The following ADAMTS13 variants were observed in gnomAD, a reference collection of about 807,000 sequenced individuals.
ADAMTS13 encodes the protein ADAM metallopeptidase with thrombospondin type 1 motif 13, also known as A disintegrin and metalloproteinase with thrombospondin motifs 13.
Under a neutral mutation model 155.1 loss-of-function variants are expected in ADAMTS13, and 110 were observed. The observed-to-expected ratio is 0.71, with a 90% CI of 0.61 to 0.83. The LOEUF is 0.83. Among genes scored for constraint, ADAMTS13 ranks in the 40% least tolerant of loss-of-function variants. ADAMTS13 has a pLI of 0.00. For synonymous variants in ADAMTS13, 758 were observed against 756.4 expected (o/e 1.00, Z -0.03); for missense variants, 1,707 against 1,891.7 (o/e 0.90, Z 1.81).
chr9:133,419,725 C>T (rs587693132), upstream of ADAMTS13, among the ~76,000 whole-genome samples: 8 of 152,116 alleles, frequency 5.3e-5, no homozygotes, highest in African/African-American at 9.6e-5. Context: ...GCAAGTCCAC[C>T]GAAAAGGGTT....
At chr9:133,437,688 G>A in intron 12 of ADAMTS13, 61 bp from the exon 13 acceptor site, 2 of 1,607,126 alleles carry the variant, frequency 1.2e-6, no homozygotes, top group South Asian at 1.1e-5. Flanking sequence ...GCTGGGTGGG[G>A]GCTGGGGGAC....
intron 24 of ADAMTS13, among the ~76,000 whole-genome samples, chr9:133,454,946 C>T (rs1842650812): frequency 6.6e-6 from 1 of 152,144 alleles, no homozygotes; most frequent in Non-Finnish European, 1.5e-5. Context: ...GTTCAGGCTG[C>T]CCCCTGGAGG....
chr9:133,417,985 G>A (rs992498972), upstream of ADAMTS13: 10 of 742,146 alleles, frequency 1.3e-5, no homozygotes, highest in African/African-American at 1.8e-4. Context: ...AAAGACTCCG[G>A]AAGAGACCCC....
chr9:133,455,561 C>T lies in ADAMTS13; in HGVS notation c.3400+126C>T, dbSNP rs782300864. On this transcript the variant is annotated intron_variant, in intron 25 of 28. Transcript: ENST00000355699. ...GCTCTTCTCCCCGGCTCCCCAGCCTCGGCGGCTCCTGCCCGGGCCCCAGGA... is the reference window on the plus strand; with the variant it reads ...GCTCTTCTCCCCGGCTCCCCAGCCTTGGCGGCTCCTGCCCGGGCCCCAGGA... The T allele has an allele frequency of 3.2e-5, 51 of 1,608,374 alleles. No homozygotes were observed. The South Asian group carries it at 5.1e-4, about 16-fold the overall frequency.
upstream of ADAMTS13, among the ~76,000 whole-genome samples, chr9:133,418,765 C>A (rs1839826407): frequency 6.6e-6 from 1 of 152,232 alleles, no homozygotes; most frequent in African/African-American, 2.4e-5. Context: ...CTATAGATAA[C>A]ATAACCGGTT....
At chr9:133,457,834 C>T (rs587705755) in intron 27 of ADAMTS13, 76 bp from the exon 28 acceptor site, 55 of 1,582,388 alleles carry the variant, frequency 3.5e-5, no homozygotes, top group Middle Eastern at 3.3e-4. Flanking sequence ...CTGCACGGCT[C>T]CCTGGCTGTG....
Position 133,428,752 on chromosome 9 carries a change from C to CA in ADAMTS13, c.806dup (p.Leu270AlafsTer120). On this transcript the variant is annotated frameshift_variant, in exon 7 of 29. Transcript: ENST00000355699. LOFTEE classifies it high-confidence loss of function. ...CGCCTGGTCCCCCTGCAGCCGCCGGCAGCTGCTGAGCCTGCTCAGGTAGCG... is the reference window on the plus strand; with the variant it reads ...CGCCTGGTCCCCCTGCAGCCGCCGGCAAGCTGCTGAGCCTGCTCAGGTAGCG... 7.4e-7 allele frequency: 1 copy of CA among 1,356,614 alleles called. No homozygotes were observed. Among genetic ancestry groups the CA allele is most frequent in the Non-Finnish European group, 9.5e-7 (1 of 1,051,302 alleles). The allele number at this position is 1,356,614 out of a possible 1,614,324, so 84.0% of individuals were successfully genotyped here. A position where few individuals can be genotyped will look rare whatever the true frequency, so the allele number is the denominator to read the frequency against.
chr9:133,439,492 G>A (rs1841501935), intron 15 of ADAMTS13, 46 bp downstream of exon 15: 3 of 1,533,602 alleles, frequency 2.0e-6, no homozygotes, highest in South Asian at 2.2e-5. Context: ...GACTGCAAAG[G>A]TGCAGAGCAC....
chr9:133,433,074 G>A (rs1283594016), intron 9 of ADAMTS13, among the ~76,000 whole-genome samples: 1 of 148,220 alleles, frequency 6.7e-6, no homozygotes, highest in Non-Finnish European at 1.5e-5. Context: ...GTGTGTTGAG[G>A]GGTCCCTGGG....
chr9:133,443,542 C>T lies in ADAMTS13; in HGVS notation c.2401C>T (p.Pro801Ser), dbSNP rs965535472. Residue 801 changes from proline to serine, a missense_variant, in exon 19 of 29, where the codon CCC (proline) becomes TCC (serine). By Grantham distance (74) the Pro-to-Ser change is moderately conservative (BLOSUM62 -1). Around this residue, in one of 3 missense-constraint regions of ADAMTS13, gnomAD observed 961 missense variants for 1,107.9 expected, o/e 0.87. Transcript: ENST00000355699. Reference sequence around the variant, plus strand: ...AGCTGTGGCGCTGGAAACCTGCAACCCCCAGCCCTGCCCTGCCAGGTGAGC... The same window carrying T: ...AGCTGTGGCGCTGGAAACCTGCAACTCCCAGCCCTGCCCTGCCAGGTGAGC... ...QPAVALETCNPQPCPARWEVS... is the reference protein window; with the variant it reads ...QPAVALETCNSQPCPARWEVS... 6 of 1,561,370 alleles carry T rather than the reference C, an allele frequency of 3.8e-6. No individual in the cohort carries two copies. The highest frequency in any genetic ancestry group is 5.2e-6 in the Non-Finnish European group (6 of 1,159,820).
intron 1 of ADAMTS13, among the ~76,000 whole-genome samples, chr9:133,416,929 C>T (rs781907070): frequency 6.6e-6 from 1 of 152,204 alleles, no homozygotes; most frequent in Non-Finnish European, 1.5e-5. Context: ...TCGCTAGAAC[C>T]CCATCACATG....
At chr9:133,423,972 G>C (rs781904711) in intron 2 of ADAMTS13, among the ~76,000 whole-genome samples, 1 of 152,246 alleles carries the variant, frequency 6.6e-6, no homozygotes, top group Admixed American at 6.5e-5. Flanking sequence ...GGCTCCACTC[G>C]TGTTCAGTTT....
Position 133,432,594 on chromosome 9 carries a change from T to C in ADAMTS13, c.994T>C (p.Cys332Arg), listed in dbSNP as rs1554787764. The C allele has an allele frequency of 6.4e-7, 1 of 1,552,318 alleles. No individual in the cohort carries two copies. Among genetic ancestry groups the C allele is most frequent in the East Asian group, 2.4e-5 (1 of 41,226 alleles). The change falls in exon 9 of 29, where the codon TGC (cysteine) becomes CGC (arginine). Residue 332 changes from cysteine to arginine, a missense_variant. By Grantham distance (180) the Cys-to-Arg change is radical. Transcript: ENST00000355699. ...CACCTGTCCACCCTCCTAGGATATG[T>C]GCCAGGCCCTCTCCTGCCACACAGA... ...CTFAREHLDMCQALSCHTDPL... is the reference protein window; with the variant it reads ...CTFAREHLDMRQALSCHTDPL...
chr9:133,416,397 G>A (rs978091915), intron 1 of ADAMTS13, among the ~76,000 whole-genome samples: 5 of 152,188 alleles, frequency 3.3e-5, no homozygotes, highest in Non-Finnish European at 5.9e-5. Context: ...CTTTTATTTA[G>A]AGATGGAATC....
At chr9:133,443,155 ATT>A (rs1841804057) in intron 18 of ADAMTS13, among the ~76,000 whole-genome samples, 1 of 152,200 alleles carries the variant, frequency 6.6e-6, no homozygotes, top group Non-Finnish European at 1.5e-5. Context: ...GGACGAGGCC[ATT>A]CCTGCTGGGT....
intron 19 of ADAMTS13, among the ~76,000 whole-genome samples, chr9:133,443,855 C>A (rs950824731): frequency 6.6e-6 from 1 of 152,100 alleles, no homozygotes; most frequent in Admixed American, 6.5e-5. Context: ...TCAAACTGAA[C>A]GGAGTGGGAG....
In ADAMTS13 at chr9:133,445,896, G is replaced by A. The variant is rs652600; in HGVS notation, c.2731+77G>A. The A allele has an allele frequency of 0.68, 1,021,044 of 1,500,210 alleles. 355,034 individuals carry two copies. Among genetic ancestry groups the A allele is most frequent in the Non-Finnish European group, 0.71 (797,737 of 1,124,804 alleles). 92.9% of individuals were successfully genotyped at this position (1,500,210 alleles called of 1,614,324 possible). ...GTCCACTTGCATCTTGCCTCGTTCT[G>A]AAAAGCATTTGAGGTGGATTGCAGA... is the stretch of plus-strand genomic sequence containing the variant. On this transcript the variant is annotated intron_variant, in intron 21 of 28. Transcript: ENST00000355699. The surrounding 1 kb of genome is among the most constrained non-coding windows in gnomAD (Gnocchi z 5.0).
chr9:133,439,387 T>C lies in ADAMTS13; in HGVS notation c.1727T>C (p.Val576Ala). Residue 576 changes from valine (V) to alanine (A), a missense_variant, in exon 15 of 29, where the codon GTT becomes GCT. Val to Ala is a moderately conservative substitution (Grantham distance 64). Around this residue, in one of 3 missense-constraint regions of ADAMTS13, gnomAD observed 961 missense variants for 1,107.9 expected, o/e 0.87. Coordinates refer to ENST00000355699, the MANE Select transcript of ADAMTS13 (RefSeq NM_139027.6). ...RAREYVTFLT[V>A]TPNLTSVYIA... ...CTAGAATATGTCACGTTTCTGACAG[T>C]TACCCCCAACCTGACCAGTGTCTAC... The C allele has an allele frequency of 1.2e-6, 2 of 1,613,936 alleles. No individual in the cohort carries two copies. The highest frequency in any genetic ancestry group is 4.5e-5 in the East Asian group (2 of 44,896).
upstream of ADAMTS13, among the ~76,000 whole-genome samples, chr9:133,421,436 T>A (rs1221659961): frequency 6.6e-6 from 1 of 152,216 alleles, no homozygotes; most frequent in Non-Finnish European, 1.5e-5. Flanking sequence ...TTCTGCTGTA[T>A]TTTTCTCCAT....
Sources: allele counts gnomAD v4.1 joint callset (sites outside exome capture counted in the v4.1 genomes callset), GRCh38; gene constraint gnomAD v4.1.1; regional missense constraint gnomAD v4.1.1; non-coding constraint Gnocchi (gnomAD v3.1); transcripts MANE v1.5; gene names NCBI Gene and HGNC (gene_info 2026-07-23, HGNC 2026-07-21).